The following MAST4 variants were observed in gnomAD, a reference collection of about 807,000 sequenced individuals.
MAST4 encodes microtubule-associated serine/threonine-protein kinase 4.
In MAST4, 89 loss-of-function variants were observed where a neutral mutation model predicts 162.7. The ratio of observed to expected loss-of-function variants is 0.55; its 90% CI spans 0.46 to 0.65. MAST4 has a LOEUF of 0.65. Ranked by LOEUF, MAST4 falls within the 30% of genes least tolerant of loss-of-function variation. The pLI, the probability that MAST4 is intolerant of heterozygous loss-of-function variation, is 0.00. For missense variants in MAST4, 3,153 were observed against 3,374.0 expected (o/e 0.93, Z 1.62); for synonymous variants, 1,479 against 1,361.1 (o/e 1.09, Z -1.91).
chr5:66,828,678 T>C, intron 3 of MAST4: 2 of 935,990 alleles, frequency 2.1e-6, no homozygotes. Context: ...ATCTCCGAAG[T>C]TGCTGGAGTG....
Position 67,131,818 on chromosome 5 carries a change from G to T in MAST4, c.1960G>T (p.Asp654Tyr). Residue 654 changes from aspartate (D) to tyrosine (Y), a missense_variant, in exon 16 of 29, where the codon GAC becomes TAC. By Grantham distance (160) the Asp-to-Tyr change is radical. Around this residue, in one of 7 missense-constraint regions of MAST4, gnomAD observed 131 missense variants for 253.8 expected, o/e 0.52. Transcript: ENST00000403625. ...CTCTTTTTCCTGTGTTACAGGGGGA[G>T]ACTGTGCTACTTTAATGAAAAACAT... Reference protein sequence around the residue: ...CMVMEYVEGGDCATLMKNMGP... With the variant: ...CMVMEYVEGGYCATLMKNMGP... The T allele has an allele frequency of 2.5e-6, 4 of 1,612,826 alleles. No individual in the cohort carries two copies. Among genetic ancestry groups the T allele is most frequent in the Non-Finnish European group, 3.4e-6 (4 of 1,179,140 alleles).
chr5:66,925,923 T>G (rs764942586), intron 4 of MAST4, among the ~76,000 whole-genome samples: 4 of 152,296 alleles, frequency 2.6e-5, no homozygotes, highest in Non-Finnish European at 5.9e-5. Flanking sequence ...CTCCATTTCA[T>G]GAGCTTTCAG....
At chr5:66,777,927 G>T (rs1036009929) in intron 2 of MAST4, among the ~76,000 whole-genome samples, 2 of 152,152 alleles carry the variant, frequency 1.3e-5, no homozygotes, top group South Asian at 4.1e-4. Flanking sequence ...CATATATCTT[G>T]CCAGCAGCAT....
chr5:66,850,002 G>A (rs538173884), intron 3 of MAST4, among the ~76,000 whole-genome samples: 1 of 152,234 alleles, frequency 6.6e-6, no homozygotes, highest in Non-Finnish European at 1.5e-5. Context: ...GGTTACATCA[G>A]CCAGAATAAA....
At chr5:67,066,074 A>G (rs1184827211) in intron 5 of MAST4, among the ~76,000 whole-genome samples, 1 of 152,166 alleles carries the variant, frequency 6.6e-6, no homozygotes, top group Non-Finnish European at 1.5e-5. Flanking sequence ...GTGTATAAAT[A>G]CAAAAACAGT....
chr5:66,637,627 C>T (rs75912393), intron 1 of MAST4, among the ~76,000 whole-genome samples: 3,162 of 152,132 alleles, frequency 0.021, 104 homozygotes, highest in African/African-American at 0.071. Context: ...CCAGCTTTTT[C>T]TGTAGCTTGA....
intron 4 of MAST4, among the ~76,000 whole-genome samples, chr5:67,030,535 C>A (rs1308323814): frequency 1.3e-5 from 2 of 152,114 alleles, no homozygotes; most frequent in African/African-American, 4.8e-5. Context: ...CTGTACATCA[C>A]CATTCCAGAG....
chr5:66,778,505 TTGAC>T (rs1207632251), intron 2 of MAST4, among the ~76,000 whole-genome samples: 2 of 152,208 alleles, frequency 1.3e-5, no homozygotes, highest in Non-Finnish European at 2.9e-5. Context: ...TTATTAGAAT[TTGAC>T]TGAGAGTGAT....
At chr5:66,798,028 C>T (rs1755735912) in intron 3 of MAST4, among the ~76,000 whole-genome samples, 1 of 152,120 alleles carries the variant, frequency 6.6e-6, no homozygotes, top group Non-Finnish European at 1.5e-5. Context: ...GGATGGTGAG[C>T]CTTCACTTCA....
chr5:66,880,253 A>G (rs1761603003), intron 3 of MAST4, among the ~76,000 whole-genome samples: 1 of 152,234 alleles, frequency 6.6e-6, no homozygotes, highest in Admixed American at 6.5e-5. Context: ...GTAGTCAGAT[A>G]TTACATATTT....
intron 4 of MAST4, among the ~76,000 whole-genome samples, chr5:66,921,710 G>A (rs1423252194): frequency 1.3e-5 from 2 of 152,170 alleles, no homozygotes; most frequent in Non-Finnish European, 2.9e-5. Context: ...GGTGATCCTA[G>A]ATCATTCCAC....
At chr5:67,102,504 A>T in intron 8 of MAST4, 32 bp from the exon 9 acceptor site, 2 of 1,597,046 alleles carry the variant, frequency 1.3e-6, no homozygotes, top group Non-Finnish European at 1.7e-6. Context: ...ATGCTGTGGC[A>T]AGTTTAAAAG....
rs1750457883 is a variant in MAST4, at chr5:66,994,901, A to C, written c.675-59503A>C. 2.6e-5 allele frequency among the ~76,000 whole-genome samples: 4 copies of C among 152,246 alleles called. No individual in the cohort carries two copies. In the South Asian group the frequency reaches 8.3e-4, roughly 32 times the overall value. The stretch of plus-strand genomic sequence containing the variant: ...CATGTTTTTTTTGAGCAGTGAAAGA[A>C]AGCTTTTTCATTGTACAACATGACA... On this transcript the variant is annotated intron_variant, in intron 4 of 28. Coordinates refer to ENST00000403625, the MANE Select transcript of MAST4 (RefSeq NM_001164664.2).
intron 3 of MAST4, among the ~76,000 whole-genome samples, chr5:66,866,960 C>G (rs1760572989): frequency 6.6e-6 from 1 of 152,046 alleles, no homozygotes; most frequent in Non-Finnish European, 1.5e-5. Flanking sequence ...TAGGTCTCCT[C>G]ATATTGCCCA....
chr5:67,152,865 G>A lies in MAST4; in HGVS notation c.3524G>A (p.Trp1175Ter), dbSNP rs1772011574. Reference protein sequence around the residue: ...SDIYTVHHIVWNVEEGSPACQ... With the variant: ...SDIYTVHHIV Reference sequence around the variant, plus strand: ...ATCTATACAGTGCACCATATCGTCTGGGTAAGACCTGCATGTCTCGCACTT... The same window carrying A: ...ATCTATACAGTGCACCATATCGTCTAGGTAAGACCTGCATGTCTCGCACTT... The change falls in exon 25 of 29, where the codon TGG becomes TAG. Residue 1175 changes from tryptophan to a stop codon, truncating the protein, a stop_gained and splice_region_variant. Coordinates refer to ENST00000403625, the MANE Select transcript of MAST4 (RefSeq NM_001164664.2). LOFTEE classifies it high-confidence loss of function. 1.2e-6 allele frequency: 2 copies of A among 1,610,708 alleles called. No homozygotes were observed. Among genetic ancestry groups the A allele is most frequent in the Admixed American group, 1.7e-5 (1 of 59,930 alleles).
rs1773541818 is a variant in MAST4, at chr5:67,163,931, A to G, written c.4752A>G (p.Ser1584=). 6.2e-7 allele frequency: 1 copy of G among 1,613,792 alleles called. No homozygotes were observed. Among genetic ancestry groups the G allele is most frequent in the African/African-American group, 1.3e-5 (1 of 74,956 alleles). ...KKVYPKAVER[S]STFENKASMQ... is the part of the protein sequence containing the mutation. ...TCTATCCGAAGGCTGTGGAAAGGTC[A>G]AGTACTTTTGAAAACAAAGCGTCTA... is the stretch of plus-strand genomic sequence containing the variant. The change falls in exon 29 of 29, where the codon TCA becomes TCG. Residue 1584 remains serine, a synonymous_variant. Coordinates refer to ENST00000403625, the MANE Select transcript of MAST4 (RefSeq NM_001164664.2). This position sits in a 1 kb window ranked among gnomAD's most constrained non-coding sequence, Gnocchi z 7.0.
intron 1 of MAST4, among the ~76,000 whole-genome samples, chr5:66,713,355 T>C (rs1208345318): frequency 1.3e-5 from 2 of 152,150 alleles, no homozygotes; most frequent in East Asian, 1.9e-4. Context: ...GATGGGACCA[T>C]AGAATATGAG....
intron 4 of MAST4, among the ~76,000 whole-genome samples, chr5:66,969,713 A>G (rs1037500228): frequency 6.6e-6 from 1 of 152,194 alleles, no homozygotes; most frequent in Non-Finnish European, 1.5e-5. Context: ...TACCAAACAC[A>G]TGGCAGTATG....
chr5:66,597,377 T>A (rs1742259574), intron 1 of MAST4, among the ~76,000 whole-genome samples: 2 of 152,098 alleles, frequency 1.3e-5, no homozygotes, highest in African/African-American at 4.8e-5. Flanking sequence ...AAAGTGGGCG[T>A]TGTTTCCCAC....
Sources: allele counts gnomAD v4.1 joint callset (sites outside exome capture counted in the v4.1 genomes callset), GRCh38; gene constraint gnomAD v4.1.1; regional missense constraint gnomAD v4.1.1; non-coding constraint Gnocchi (gnomAD v3.1); transcripts MANE v1.5; gene names NCBI Gene and HGNC (gene_info 2026-07-23, HGNC 2026-07-21).